EBF4: variants seen among roughly 807,000 people sequenced by gnomAD.
EBF4 encodes the protein EBF transcription factor 4.
EBF4 carries 34 observed loss-of-function variants against 67.1 expected under a neutral mutation model. That is an observed-to-expected ratio of 0.51 (90% CI 0.39 to 0.67). The LOEUF is 0.67. Among genes scored for constraint, EBF4 ranks in the 30% least tolerant of loss-of-function variants. The pLI, the probability that EBF4 is intolerant of heterozygous loss-of-function variation, is 0.00. For synonymous variants in EBF4, 387 were observed against 377.7 expected (o/e 1.02, Z -0.29); for missense variants, 837 against 873.3 (o/e 0.96, Z 0.52).
rs543102736 is a variant in EBF4 at position 2,758,368 on chromosome 20, T to C, written c.1739-541T>C. Among the ~76,000 whole-genome samples the C allele has an allele frequency of 2.6e-5, 4 of 152,334 alleles. 1 individual carries two copies. The East Asian group carries it at 7.7e-4, about 29-fold the overall frequency. On this transcript the variant is annotated intron_variant, in intron 15 of 16. Coordinates refer to ENST00000609451, the Ensembl canonical transcript of EBF4. The stretch of plus-strand genomic sequence containing the variant: ...ATACACAGTCACTTTTTTTGCCTTA[T>C]TTCCAAGTTTTGGATAATTTTTCTT...
intron 6 of EBF4, among the ~76,000 whole-genome samples, chr20:2,735,583 T>A (rs903965706): frequency 6.6e-6 from 1 of 152,220 alleles, no homozygotes; most frequent in Admixed American, 6.5e-5. Context: ...ATTCCCAAAG[T>A]CCTGTCCCTG....
At position 2,739,345 on chromosome 20, in the gene EBF4, G is replaced by A. The variant is rs1043187115; in HGVS notation, c.558-9204G>A. Among the ~76,000 whole-genome samples, 4 of 151,614 alleles carry A rather than the reference G, an allele frequency of 2.6e-5. No homozygotes were observed. Among genetic ancestry groups the A allele is most frequent in the Admixed American group, 1.3e-4 (2 of 15,240 alleles). ...GTGGAGCTGTTAGTCCCTTTGCATG[G>A]AGGGCCCTGCCTCCTACTTCTCGGT... On this transcript the variant is annotated intron_variant, in intron 6 of 16. Transcript: ENST00000609451. This position sits in a 1 kb window ranked among gnomAD's most constrained non-coding sequence, Gnocchi z 4.5.
At chr20:2,728,595 T>A (rs2087774186) in intron 6 of EBF4, among the ~76,000 whole-genome samples, 1 of 152,118 alleles carries the variant, frequency 6.6e-6, no homozygotes, top group Non-Finnish European at 1.5e-5. Context: ...CCTCTGGAAA[T>A]GGTGAATAAC....
chr20:2,741,202 C>T (rs931976236), intron 6 of EBF4, among the ~76,000 whole-genome samples: 1 of 152,060 alleles, frequency 6.6e-6, no homozygotes, highest in African/African-American at 2.4e-5. Flanking sequence ...GTCCCACCTG[C>T]TCAGGAGGCT....
rs1282161563 is a variant in EBF4 at position 2,705,567 on chromosome 20, C to T, written c.138-10C>T. 58 of 1,551,682 alleles carry T rather than the reference C, an allele frequency of 3.7e-5. No individual in the cohort carries two copies. Among genetic ancestry groups the T allele is most frequent in the Non-Finnish European group, 5.1e-5 (58 of 1,147,030 alleles). ...CTTCCAGTGGTTTTCCAGCTCTTTT[C>T]CTCCCACAGTGGCGTGGGTCTGGCA... On this transcript the variant is annotated splice_polypyrimidine_tract_variant and intron_variant, in intron 1 of 16. Coordinates refer to ENST00000609451, the Ensembl canonical transcript of EBF4.
In EBF4 at chr20:2,709,744, C is replaced by T. The variant is rs938681729; in HGVS notation, c.557+102C>T. The T allele has an allele frequency of 5.1e-6, 6 of 1,183,032 alleles. No homozygotes were observed. In the South Asian group the frequency reaches 6.7e-5, roughly 13 times the overall value. 73.3% of individuals were successfully genotyped at this position (1,183,032 alleles called of 1,614,324 possible). The stretch of plus-strand genomic sequence containing the variant: ...AAGGCTCAAGGGAGGAGCGGAGCAG[C>T]CCCCCCGGGGCACCAGGTTGGGTGG... On this transcript the variant is annotated intron_variant, in intron 6 of 16. Coordinates refer to ENST00000609451, the Ensembl canonical transcript of EBF4.
intron 14 of EBF4, chr20:2,754,978 C>CCA (rs2088217721): frequency 1.7e-5 from 2 of 118,560 alleles, no homozygotes; most frequent in African/African-American, 5.7e-5. Flanking sequence ...CCACCCCCCC[C>CCA]CACAGGGCCC....
chr20:2,709,690 G>A (rs1202970753), intron 6 of EBF4, 48 bp downstream of exon 6: 3 of 1,475,664 alleles, frequency 2.0e-6, no homozygotes, highest in South Asian at 1.3e-5. Flanking sequence ...GAGTGGGGGA[G>A]GGGCAGCTGT....
In EBF4 at chr20:2,714,291, CTTCCTTCT is replaced by C. The variant is rs1217322170; in HGVS notation, c.557+4657_557+4664del. 4.0e-5 allele frequency among the ~76,000 whole-genome samples: 6 copies of C among 151,554 alleles called. No homozygotes were observed. The East Asian group carries it at 7.8e-4, about 20-fold the overall frequency. On this transcript the variant is annotated intron_variant, in intron 6 of 16. Coordinates refer to ENST00000609451, the Ensembl canonical transcript of EBF4. ...TTTTTCTTTTCTCCTTCCTTCCTTC[CTTCCTTCT>C]TTCCTTCCTTCCTTCTTTCCTTCTC...
intron 6 of EBF4, among the ~76,000 whole-genome samples, chr20:2,721,151 A>G (rs1419365266): frequency 6.7e-6 from 1 of 149,496 alleles, no homozygotes; most frequent in Non-Finnish European, 1.5e-5. Context: ...ACCATGATTT[A>G]TTCAGTTATT....
chr20:2,717,969 C>T (rs976222739), intron 6 of EBF4, among the ~76,000 whole-genome samples: 1 of 152,056 alleles, frequency 6.6e-6, no homozygotes. Flanking sequence ...TGCCACCATG[C>T]CCGGCTAATT....
chr20:2,748,630 G>C (rs1053803784), exon 7 of EBF4: 1 of 1,551,546 alleles, frequency 6.4e-7, no homozygotes. Flanking sequence ...GCCGCTTCCA[G>C]GTGGGTCTGG....
intron 6 of EBF4, among the ~76,000 whole-genome samples, chr20:2,718,452 A>G (rs2146416663): frequency 6.6e-6 from 1 of 152,288 alleles, no homozygotes; most frequent in African/African-American, 2.4e-5. Flanking sequence ...TTTAACTGTA[A>G]TCTCAATTTC....
intron 1 of EBF4, among the ~76,000 whole-genome samples, chr20:2,701,454 C>T (rs1021243973): frequency 7.2e-5 from 11 of 152,210 alleles, no homozygotes; most frequent in African/African-American, 2.7e-4. Flanking sequence ...TGGCTTGGGG[C>T]TTATGCCAGA....
At chr20:2,737,069 G>A (rs2087892262) in intron 6 of EBF4, among the ~76,000 whole-genome samples, 2 of 151,908 alleles carry the variant, frequency 1.3e-5, no homozygotes, top group African/African-American at 2.4e-5. Context: ...CTAACACGGT[G>A]AAACCCCGTC....
chr20:2,724,228 C>T (rs1462026911), intron 6 of EBF4, among the ~76,000 whole-genome samples: 1 of 152,120 alleles, frequency 6.6e-6, no homozygotes, highest in Non-Finnish European at 1.5e-5. Flanking sequence ...AGTTTTGCAC[C>T]CTGAAAATTT....
rs1337953153 is a variant in EBF4 at position 2,755,203 on chromosome 20, C to G, written c.1541-424C>G. ...AAACTTCATCCCTAACTACTTGTTC[C>G]AGCTCTTCTGTGACTCCTGAACTAT... is the stretch of plus-strand genomic sequence containing the variant. On this transcript the variant is annotated intron_variant, in intron 14 of 16. Transcript: ENST00000609451. The surrounding 1 kb of genome is among the most constrained non-coding windows in gnomAD (Gnocchi z 4.7). The G allele has an allele frequency of 1.1e-5, 2 of 182,724 alleles. No homozygotes were observed. The highest frequency in any genetic ancestry group is 1.2e-4 in the Admixed American group (2 of 17,262). 11.3% of individuals were successfully genotyped at this position (182,724 alleles called of 1,614,324 possible).
chr20:2,738,900 G>A (rs1202694831), intron 6 of EBF4, among the ~76,000 whole-genome samples: 7 of 152,206 alleles, frequency 4.6e-5, no homozygotes, highest in Admixed American at 3.9e-4. Flanking sequence ...GATGGGGTGC[G>A]GGTGCATTGG....
chr20:2,712,345 C>T (rs931535276), intron 6 of EBF4, among the ~76,000 whole-genome samples: 3 of 152,128 alleles, frequency 2.0e-5, no homozygotes, highest in African/African-American at 7.2e-5. Context: ...TAAGAAGCGG[C>T]TGCATTCTGT....
Sources: gnomAD v4.1 joint callset for allele counts (sites outside exome capture counted in the v4.1 genomes callset) on GRCh38, gnomAD v4.1.1 for gene constraint, Gnocchi (gnomAD v3.1) non-coding constraint, MANE v1.5 for transcripts, NCBI Gene and HGNC (gene_info 2026-07-23, HGNC 2026-07-21) for gene names.